The following CHCHD3 variants were observed in gnomAD, a reference collection of about 807,000 sequenced individuals.
CHCHD3 encodes coiled-coil-helix-coiled-coil-helix domain containing 3.
CHCHD3 carries 20 observed loss-of-function variants against 38.2 expected under a neutral mutation model. The ratio of observed to expected loss-of-function variants is 0.52; its 90% CI spans 0.37 to 0.76. The LOEUF is 0.76. CHCHD3 is among the 30% of genes least tolerant of loss of function. The probability of loss-of-function intolerance (pLI) is 0.00; values close to 1 mark genes in which losing one functional copy is unlikely to be tolerated. For synonymous variants in CHCHD3, 82 were observed against 100.0 expected (o/e 0.82, Z 1.07); for missense variants, 245 against 279.2 (o/e 0.88, Z 0.87).
intron 4 of CHCHD3, among the ~76,000 whole-genome samples, chr7:132,918,963 C>A (rs1186582460): frequency 6.6e-6 from 1 of 152,070 alleles, no homozygotes; most frequent in Non-Finnish European, 1.5e-5. Flanking sequence ...ATGGACACTG[C>A]AAAGCAAGTC....
At chr7:132,952,929 G>A (rs185961012) in intron 4 of CHCHD3, among the ~76,000 whole-genome samples, 2 of 152,260 alleles carry the variant, frequency 1.3e-5, no homozygotes, top group East Asian at 3.9e-4. Context: ...CTATAAAGTA[G>A]AAATAAATGT....
intron 2 of CHCHD3, 71 bp from the exon 3 acceptor site, chr7:133,024,698 G>A (rs754871782): frequency 9.0e-5 from 103 of 1,147,992 alleles, no homozygotes; most frequent in Non-Finnish European, 1.2e-4. Context: ...AAAATACTCA[G>A]GAAAGCCCGG....
intron 4 of CHCHD3, among the ~76,000 whole-genome samples, chr7:132,896,197 A>G (rs1809490796): frequency 6.6e-6 from 1 of 152,216 alleles, no homozygotes; most frequent in African/African-American, 2.4e-5. Flanking sequence ...TAAAATATGT[A>G]CAAAAGCTCG....
At chr7:132,887,566 T>C (rs761152717) in intron 4 of CHCHD3, among the ~76,000 whole-genome samples, 2 of 151,362 alleles carry the variant, frequency 1.3e-5, no homozygotes, top group South Asian at 2.1e-4. Flanking sequence ...GAGTTAATGT[T>C]ATTAACATAT....
intron 4 of CHCHD3, among the ~76,000 whole-genome samples, chr7:132,889,693 G>A (rs1184297697): frequency 1.2e-4 from 18 of 151,990 alleles, no homozygotes; most frequent in Admixed American, 1.2e-3. Context: ...TAAGAAACAT[G>A]GCCACAACAC....
At chr7:132,973,595 A>G in intron 4 of CHCHD3, 2 of 999,886 alleles carry the variant, frequency 2.0e-6, no homozygotes, top group Non-Finnish European at 2.4e-6. Context: ...GTCCACTGAC[A>G]TTTCTTTCTT....
intron 3 of CHCHD3, among the ~76,000 whole-genome samples, chr7:133,015,203 T>G (rs1232006532): frequency 6.6e-6 from 1 of 151,756 alleles, no homozygotes; most frequent in Non-Finnish European, 1.5e-5. Context: ...ACTAGCTGGG[T>G]GTGGTGGCGC....
At chr7:132,829,943 T>C (rs1807597431) in intron 6 of CHCHD3, among the ~76,000 whole-genome samples, 1 of 152,102 alleles carries the variant, frequency 6.6e-6, no homozygotes, top group Non-Finnish European at 1.5e-5. Context: ...TACCACTGAG[T>C]TGAGTGGAAT....
At chr7:132,990,287 C>G (rs1424215922) in intron 3 of CHCHD3, among the ~76,000 whole-genome samples, 1 of 152,190 alleles carries the variant, frequency 6.6e-6, no homozygotes, top group East Asian at 1.9e-4. Context: ...GCATCCTCCC[C>G]TGTAGCATCC....
intron 4 of CHCHD3, among the ~76,000 whole-genome samples, chr7:132,946,118 C>A (rs555333298): frequency 2.6e-5 from 4 of 151,914 alleles, no homozygotes; most frequent in African/African-American, 7.2e-5. Flanking sequence ...GATATTCTCA[C>A]GTAACCATTA....
intron 2 of CHCHD3, among the ~76,000 whole-genome samples, chr7:133,068,435 T>C (rs1814732789): frequency 6.6e-6 from 1 of 152,148 alleles, no homozygotes; most frequent in African/African-American, 2.4e-5. Context: ...AATGTGATGA[T>C]GTTGGAAGGC....
chr7:133,037,956 A>C (rs1813725496), intron 2 of CHCHD3, among the ~76,000 whole-genome samples: 1 of 152,212 alleles, frequency 6.6e-6, no homozygotes, highest in Admixed American at 6.5e-5. Context: ...TTACTTTCAT[A>C]ATCATTTAAA....
At chr7:132,800,140 G>C (rs1257136459) in intron 6 of CHCHD3, among the ~76,000 whole-genome samples, 3 of 152,056 alleles carry the variant, frequency 2.0e-5, no homozygotes, top group African/African-American at 4.8e-5. Flanking sequence ...TATACTAACA[G>C]GTCTATTGTA....
At position 133,035,973 on chromosome 7, in the gene CHCHD3, G is replaced by A. The variant is rs957807968; in HGVS notation, c.170-11346C>T. On this transcript the variant is annotated intron_variant, in intron 2 of 7. Coordinates refer to ENST00000262570, the MANE Select transcript of CHCHD3 (RefSeq NM_017812.4). The surrounding 1 kb of genome is among the most constrained non-coding windows in gnomAD (Gnocchi z 4.7). The stretch of plus-strand genomic sequence containing the variant: ...CAGTCTTAAAAGTGTTATCAGGTAG[G>A]GGTCCTTAGGGGAACTGTTTTAATG... 4 of 1,190,844 alleles carry A rather than the reference G, an allele frequency of 3.4e-6. No individual in the cohort carries two copies. The highest frequency in any genetic ancestry group is 1.5e-5 in the African/African-American group (1 of 66,096). The allele number at this position is 1,190,844 out of a possible 1,614,324, so 73.8% of individuals were successfully genotyped here.
intron 4 of CHCHD3, among the ~76,000 whole-genome samples, chr7:132,887,763 C>T (rs1157710059): frequency 2.0e-5 from 3 of 151,744 alleles, no homozygotes; most frequent in South Asian, 4.1e-4. Flanking sequence ...TATTCATCTA[C>T]CAATTAACAA....
chr7:132,949,783 AT>A (rs928614408), intron 4 of CHCHD3, among the ~76,000 whole-genome samples: 1 of 152,184 alleles, frequency 6.6e-6, no homozygotes, highest in African/African-American at 2.4e-5. Flanking sequence ...ATAGAAAAAA[AT>A]ACCACCTCTT....
intron 2 of CHCHD3, among the ~76,000 whole-genome samples, chr7:133,049,465 ACC>A (rs1303366097): frequency 6.6e-6 from 1 of 152,190 alleles, no homozygotes; most frequent in Admixed American, 6.5e-5. Flanking sequence ...GGTAAACAGT[ACC>A]CAACAATTTT....
chr7:132,968,249 C>T (rs1244303124), intron 4 of CHCHD3, among the ~76,000 whole-genome samples: 1 of 152,148 alleles, frequency 6.6e-6, no homozygotes, highest in African/African-American at 2.4e-5. Context: ...CCTGCTAAAT[C>T]CAAATGCACA....
At chr7:132,985,311 G>A (rs1396127742) in intron 3 of CHCHD3, among the ~76,000 whole-genome samples, 1 of 61,990 alleles carries the variant, frequency 1.6e-5, no homozygotes, top group African/African-American at 6.4e-5. Context: ...GCCTCTGCCC[G>A]GCCGCCCCTA....
Sources: gnomAD v4.1 joint callset for allele counts (sites outside exome capture counted in the v4.1 genomes callset) on GRCh38, gnomAD v4.1.1 for gene constraint, Gnocchi (gnomAD v3.1) non-coding constraint, MANE v1.5 for transcripts, NCBI Gene and HGNC (gene_info 2026-07-23, HGNC 2026-07-21) for gene names.